RAD54L: variants seen among roughly 807,000 people sequenced by gnomAD.
RAD54L encodes the protein DNA repair and recombination protein RAD54-like.
A neutral mutation model predicts 91.6 loss-of-function variants in RAD54L; 74 were observed. That is an observed-to-expected ratio of 0.81 (90% CI 0.67 to 0.98). The LOEUF (loss-of-function observed/expected upper bound fraction) is 0.98. RAD54L is among the 50% of genes least tolerant of loss of function. RAD54L has a pLI of 0.00. For synonymous variants in RAD54L, 304 were observed against 349.7 expected (o/e 0.87, Z 1.46); for missense variants, 887 against 945.7 (o/e 0.94, Z 0.81).
At chr1:46,277,734 C>A in intron 16 of RAD54L, 83 bp from the exon 17 acceptor site, 2 of 1,475,558 alleles carry the variant, frequency 1.4e-6, no homozygotes, top group South Asian at 2.3e-5. Context: ...GCTGTAGTTT[C>A]AACCCTTTGG....
At position 46,267,355 on chromosome 1, in the gene RAD54L, C is replaced by T. The variant is rs370943399; in HGVS notation, c.892-104C>T. 8.2e-4 allele frequency: 1,234 copies of T among 1,502,796 alleles called. 14 individuals are homozygous for T. In the South Asian group the frequency reaches 0.012, roughly 15 times the overall value. The allele number at this position is 1,502,796 out of a possible 1,614,324, so 93.1% of individuals were successfully genotyped here. A position where few individuals can be genotyped will look rare whatever the true frequency, so the allele number is the denominator to read the frequency against. On this transcript the variant is annotated intron_variant, in intron 8 of 17. Coordinates refer to ENST00000371975, the MANE Select transcript of RAD54L (RefSeq NM_003579.4). ...CTGGGATTACAGGCATGAGCCACGG[C>T]GCCCGGCCTGGAATGTTTTTGACTC...
chr1:46,260,896 T>G lies in RAD54L; in HGVS notation c.647T>G (p.Val216Gly), dbSNP rs752842922. 5.6e-6 allele frequency: 9 copies of G among 1,614,078 alleles called. No homozygotes were observed. The African/African-American group carries it at 1.2e-4, about 22-fold the overall frequency. The change falls in exon 7 of 18, where the codon GTG (valine) becomes GGG (glycine). Residue 216 changes from valine to glycine, a missense_variant. Transcript: ENST00000371975. ...ECKPEIDKAV[V>G]VSPSSLVKNW... ...AAGCCAGAAATTGACAAGGCAGTGG[T>G]GGTGTCGCCTTCCAGCCTGGTGAAG... is the stretch of plus-strand genomic sequence containing the variant.
Position 46,277,883 on chromosome 1 carries a change from G to A in RAD54L, c.1936G>A (p.Val646Met), listed in dbSNP as rs1312488884. ...CAAGAAGGCACTGAGCAGCTGTGTGGTGGATGAGGAGCAGGATGTAGAGCG... is the reference window on the plus strand; with the variant it reads ...CAAGAAGGCACTGAGCAGCTGTGTGATGGATGAGGAGCAGGATGTAGAGCG... ...SHKKALSSCV[V>M]DEEQDVERHF... Residue 646 changes from valine (V) to methionine (M), a missense_variant, in exon 17 of 18, where the codon GTG (valine) becomes ATG (methionine). Physicochemically the swap from Val to Met is conservative, Grantham distance 21. Transcript: ENST00000371975. 2 of 1,613,932 alleles carry A rather than the reference G, an allele frequency of 1.2e-6. No homozygotes were observed. Among genetic ancestry groups the A allele is most frequent in the Non-Finnish European group, 1.7e-6 (2 of 1,179,986 alleles).
At chr1:46,271,118 C>T (rs1417406745) in intron 10 of RAD54L, among the ~76,000 whole-genome samples, 1 of 152,186 alleles carries the variant, frequency 6.6e-6, no homozygotes, top group East Asian at 1.9e-4. Context: ...AGACCCGAAA[C>T]ATTAGGCTTC....
chr1:46,249,649 C>T (rs1486184326), intron 2 of RAD54L, among the ~76,000 whole-genome samples: 3 of 152,094 alleles, frequency 2.0e-5, no homozygotes, highest in South Asian at 2.1e-4. Context: ...GGAAACTCAG[C>T]GAAATGTTTG....
At chr1:46,262,310 G>A (rs1660152250) in intron 8 of RAD54L, among the ~76,000 whole-genome samples, 1 of 152,126 alleles carries the variant, frequency 6.6e-6, no homozygotes. Flanking sequence ...AGGAGGCTGA[G>A]GCAGGAGAAT....
In RAD54L at chr1:46,250,022, G is replaced by A. The variant is rs764303863; in HGVS notation, c.113G>A (p.Ser38Asn). The A allele has an allele frequency of 6.2e-7, 1 of 1,613,982 alleles. No individual in the cohort carries two copies. ...TAGACTCCTAGGAAACGGAAATCCA[G>A]CAGTGAGACCCAGATCCAGGAGTGT... The part of the protein sequence containing the change: ...GLVTPRKRKS[S>N]SETQIQECFL... The change falls in exon 3 of 18, where the codon AGC becomes AAC. Residue 38 changes from serine to asparagine, a missense_variant. By Grantham distance (46) the Ser-to-Asn change is conservative. Transcript: ENST00000371975.
In RAD54L at chr1:46,278,099, C is replaced by G. The variant is rs1660674006; in HGVS notation, c.2061C>G (p.Ser687Arg). ...TGCACTGCCGACGTTGTGTCAACAGCCGTCAGATCCGGCCACCCCCTGATG... is the reference window on the plus strand; with the variant it reads ...TGCACTGCCGACGTTGTGTCAACAGGCGTCAGATCCGGCCACCCCCTGATG... ...DRLHCRRCVNSRQIRPPPDGS... is the reference protein window; with the variant it reads ...DRLHCRRCVNRRQIRPPPDGS... The change falls in exon 18 of 18, where the codon AGC (serine) becomes AGG (arginine). Residue 687 changes from serine to arginine, a missense_variant. Ser to Arg is a moderately radical substitution (Grantham distance 110). Transcript: ENST00000371975. 6.2e-7 allele frequency: 1 copy of G among 1,613,910 alleles called. No individual in the cohort carries two copies. Among genetic ancestry groups the G allele is most frequent in the Non-Finnish European group, 8.5e-7 (1 of 1,179,954 alleles).
At chr1:46,276,240 C>T (rs868004623) in intron 16 of RAD54L, among the ~76,000 whole-genome samples, 1 of 152,150 alleles carries the variant, frequency 6.6e-6, no homozygotes, top group Non-Finnish European at 1.5e-5. Flanking sequence ...TATAGTGGCA[C>T]GATCATGGAC....
intron 10 of RAD54L, among the ~76,000 whole-genome samples, chr1:46,272,025 C>CTTTTT (rs1162693010): frequency 0.039 from 1,604 of 41,094 alleles, 511 homozygotes; most frequent in East Asian, 0.056. Context: ...GGTCTGATGA[C>CTTTTT]TTTTTTTTTT....
At chr1:46,260,182 G>T (rs529891544) in intron 5 of RAD54L, 83 bp downstream of exon 5, 3 of 1,583,176 alleles carry the variant, frequency 1.9e-6, no homozygotes, top group East Asian at 2.2e-5. Flanking sequence ...ATTTTGGTGT[G>T]ATTTCTTTTT....
intron 4 of RAD54L, 72 bp from the exon 5 acceptor site, chr1:46,259,892 C>G: frequency 6.2e-7 from 1 of 1,601,588 alleles, no homozygotes; most frequent in Non-Finnish European, 8.6e-7. Flanking sequence ...ATGTGAAGGA[C>G]AAGTATTTGA....
At chr1:46,264,767 C>A (rs1211872280) in intron 8 of RAD54L, among the ~76,000 whole-genome samples, 2 of 152,198 alleles carry the variant, frequency 1.3e-5, no homozygotes, top group Non-Finnish European at 2.9e-5. Context: ...GTGTGAGATT[C>A]CAAGTCGTGG....
chr1:46,254,027 T>C (rs1225885350), intron 3 of RAD54L, among the ~76,000 whole-genome samples: 1 of 152,144 alleles, frequency 6.6e-6, no homozygotes, highest in South Asian at 2.1e-4. Context: ...CAGAATGGAG[T>C]GCGGTGGCGT....
intron 12 of RAD54L, among the ~76,000 whole-genome samples, 174 bp from the exon 13 acceptor site, chr1:46,273,181 C>T (rs1660485667): frequency 6.6e-6 from 1 of 152,170 alleles, no homozygotes; most frequent in African/African-American, 2.4e-5. Context: ...ATTGTCCATC[C>T]ATCGTCCCAG....
At chr1:46,261,073 G>T in intron 7 of RAD54L, 58 bp downstream of exon 7, 6 of 1,588,368 alleles carry the variant, frequency 3.8e-6, no homozygotes, top group Non-Finnish European at 4.3e-6. Context: ...GCTTTCTTAC[G>T]TGTATGCTCA....
At chr1:46,257,156 AAAAAAAACCC>A (rs1659966299) in intron 3 of RAD54L, among the ~76,000 whole-genome samples, 1 of 151,786 alleles carries the variant, frequency 6.6e-6, no homozygotes, top group Non-Finnish European at 1.5e-5. Flanking sequence ...AAAAAAAAAA[AAAAAAAACCC>A]CAAAAAACAA....
At chr1:46,273,898 T>A in intron 14 of RAD54L, 151 bp downstream of exon 14, 1 of 1,237,042 alleles carries the variant, frequency 8.1e-7, no homozygotes, top group Non-Finnish European at 1.1e-6. Flanking sequence ...GCCTCAGCTC[T>A]ATCTCCAAGT....
Position 46,274,608 on chromosome 1 carries a change from G to T in RAD54L, c.1760G>T (p.Arg587Leu), listed in dbSNP as rs1218946402. The T allele has an allele frequency of 1.2e-6, 2 of 1,613,778 alleles. No individual in the cohort carries two copies. Residue 587 changes from arginine to leucine, a missense_variant, in exon 16 of 18, where the codon CGG becomes CTG. Transcript: ENST00000371975. ...GGCCTCAATCTCATTGGGGCTAACC[G>T]GCTGGTCATGTTTGACCCTGACTGG... ...GCGLNLIGAN[R>L]LVMFDPDWNP...
Sources: gnomAD v4.1 joint callset for allele counts (sites outside exome capture counted in the v4.1 genomes callset) on GRCh38, gnomAD v4.1.1 for gene constraint, MANE v1.5 for transcripts, NCBI Gene and HGNC (gene_info 2026-07-23, HGNC 2026-07-21) for gene names.